The following KCNQ5 variants were observed in gnomAD, a reference collection of about 807,000 sequenced individuals.
KCNQ5 encodes potassium voltage-gated channel subfamily KQT member 5.
A neutral mutation model predicts 98.2 loss-of-function variants in KCNQ5; 30 were observed. The observed-to-expected ratio is 0.31, with a 90% CI of 0.23 to 0.41. KCNQ5 has a LOEUF of 0.41. Among genes scored for constraint, KCNQ5 ranks in the 10% least tolerant of loss-of-function variants. KCNQ5 has a pLI of 1.00. For missense variants in KCNQ5, 835 were observed against 1,182.5 expected (o/e 0.71, Z 4.31); for synonymous variants, 458 against 449.4 (o/e 1.02, Z -0.24).
intron 1 of KCNQ5, among the ~76,000 whole-genome samples, chr6:72,999,763 A>T (rs1263497253): frequency 6.6e-6 from 1 of 152,224 alleles, no homozygotes; most frequent in Non-Finnish European, 1.5e-5. Flanking sequence ...TTCTTTATTA[A>T]AAACAACCCC....
In KCNQ5 at chr6:72,959,799, C is replaced by T. The variant is rs561149663; in HGVS notation, c.399-44109C>T. ...ATGAAATTTTATAAACTTGAGAATC[C>T]GGGAGATTCACGACACAATTCAAAC... On this transcript the variant is annotated intron_variant, in intron 1 of 13. Transcript: ENST00000370398. Among the ~76,000 whole-genome samples, 8 of 152,118 alleles carry T rather than the reference C, an allele frequency of 5.3e-5. No individual in the cohort carries two copies. The South Asian group carries it at 1.5e-3, about 28-fold the overall frequency.
At chr6:72,973,154 G>A (rs1341350161) in intron 1 of KCNQ5, among the ~76,000 whole-genome samples, 1 of 152,120 alleles carries the variant, frequency 6.6e-6, no homozygotes, top group Non-Finnish European at 1.5e-5. Context: ...GCAATAAATG[G>A]CCCTCAATTA....
chr6:72,983,332 T>G (rs1768568674), intron 1 of KCNQ5, among the ~76,000 whole-genome samples: 1 of 152,244 alleles, frequency 6.6e-6, no homozygotes, highest in African/African-American at 2.4e-5. Context: ...TTTTGTCTTT[T>G]CACATAGTCT....
intron 1 of KCNQ5, among the ~76,000 whole-genome samples, chr6:72,967,424 G>C (rs1342108829): frequency 6.6e-6 from 1 of 152,088 alleles, no homozygotes; most frequent in East Asian, 1.9e-4. Flanking sequence ...AAATCAGTGA[G>C]GAAAATGTAT....
chr6:73,000,957 T>C (rs1024960774), intron 1 of KCNQ5, among the ~76,000 whole-genome samples: 1 of 152,228 alleles, frequency 6.6e-6, no homozygotes, highest in African/African-American at 2.4e-5. Context: ...GCCACCTGTT[T>C]CATCCTGTTC....
chr6:73,043,766 C>T (rs1203250503), intron 3 of KCNQ5, among the ~76,000 whole-genome samples: 1 of 152,158 alleles, frequency 6.6e-6, no homozygotes, highest in African/African-American at 2.4e-5. Flanking sequence ...AGAAGCAATG[C>T]CAATGTATCT....
chr6:72,694,775 A>G (rs1768398999), intron 1 of KCNQ5, among the ~76,000 whole-genome samples: 1 of 152,176 alleles, frequency 6.6e-6, no homozygotes, highest in African/African-American at 2.4e-5. Context: ...TTACATGAGT[A>G]TATTGCATGA....
Position 72,987,214 on chromosome 6 carries a change from A to C in KCNQ5, c.399-16694A>C, listed in dbSNP as rs544859414. ...ATTGAGGAGCCGGCTCTGAAAAGGA[A>C]GAAAAAGAACAAGAGGAAAGAGAGT... On this transcript the variant is annotated intron_variant, in intron 1 of 13. Coordinates refer to ENST00000370398, the MANE Select transcript of KCNQ5 (RefSeq NM_019842.4). The C allele has an allele frequency of 4.2e-5, 29 of 690,644 alleles. No homozygotes were observed. In the African/African-American group the frequency reaches 5.1e-4, roughly 12 times the overall value. The allele number at this position is 690,644 out of a possible 1,614,324, so 42.8% of individuals were successfully genotyped here.
intron 1 of KCNQ5, among the ~76,000 whole-genome samples, chr6:72,736,539 G>T (rs1178566832): frequency 7.9e-6 from 1 of 126,856 alleles, no homozygotes; most frequent in Non-Finnish European, 1.5e-5. Context: ...TCGCTCTGTC[G>T]CCCAGGCTGG....
At chr6:72,812,624 G>A (rs1469409355) in intron 1 of KCNQ5, among the ~76,000 whole-genome samples, 1 of 152,150 alleles carries the variant, frequency 6.6e-6, no homozygotes, top group Non-Finnish European at 1.5e-5. Context: ...GTATGAGGAA[G>A]GTCACTCCTG....
chr6:72,709,032 A>C (rs1056952361), intron 1 of KCNQ5, among the ~76,000 whole-genome samples: 1 of 152,168 alleles, frequency 6.6e-6, no homozygotes, highest in African/African-American at 2.4e-5. Context: ...AAATTCCAAA[A>C]TAATCTAAAT....
At chr6:72,859,471 A>G (rs1486768397) in intron 1 of KCNQ5, among the ~76,000 whole-genome samples, 1 of 152,048 alleles carries the variant, frequency 6.6e-6, no homozygotes. Context: ...TTTTTCCAAT[A>G]TATGATTTTA....
At chr6:72,823,303 T>A (rs182178008) in intron 1 of KCNQ5, among the ~76,000 whole-genome samples, 1 of 152,314 alleles carries the variant, frequency 6.6e-6, no homozygotes, top group East Asian at 1.9e-4. Flanking sequence ...CACATAGTCT[T>A]AATACATCTT....
chr6:72,627,876 C>G (rs2098918785), intron 1 of KCNQ5, among the ~76,000 whole-genome samples: 1 of 152,170 alleles, frequency 6.6e-6, no homozygotes, highest in African/African-American at 2.4e-5. Context: ...AAGTACAGTT[C>G]AAAGATCACT....
At chr6:73,088,896 C>T (rs1774109720) in intron 5 of KCNQ5, among the ~76,000 whole-genome samples, 1 of 152,138 alleles carries the variant, frequency 6.6e-6, no homozygotes, top group Non-Finnish European at 1.5e-5. Context: ...TCTTTACTCT[C>T]CACTCTCATA....
At chr6:72,981,119 C>T (rs1768422217) in intron 1 of KCNQ5, among the ~76,000 whole-genome samples, 1 of 151,986 alleles carries the variant, frequency 6.6e-6, no homozygotes, top group Non-Finnish European at 1.5e-5. Context: ...CTAAAATTCT[C>T]TTTTTTTGTT....
chr6:73,026,197 G>A (rs748765260), intron 2 of KCNQ5, among the ~76,000 whole-genome samples: 3 of 152,136 alleles, frequency 2.0e-5, no homozygotes, highest in East Asian at 1.9e-4. Flanking sequence ...TCTGCCCAAG[G>A]CCTTTGTCCT....
chr6:72,912,873 A>G (rs554912985), intron 1 of KCNQ5, among the ~76,000 whole-genome samples: 19 of 152,300 alleles, frequency 1.2e-4, no homozygotes, highest in African/African-American at 3.4e-4. Context: ...GACTTTATTA[A>G]CTTCCTTTAA....
intron 3 of KCNQ5, among the ~76,000 whole-genome samples, chr6:73,058,339 G>A (rs866963548): frequency 2.0e-5 from 3 of 152,144 alleles, no homozygotes; most frequent in Non-Finnish European, 4.4e-5. Flanking sequence ...GTGAACCCCG[G>A]GGGGCGGAGG....
Sources: gnomAD v4.1 joint callset for allele counts (sites outside exome capture counted in the v4.1 genomes callset) on GRCh38, gnomAD v4.1.1 for gene constraint, MANE v1.5 for transcripts, NCBI Gene and HGNC (gene_info 2026-07-23, HGNC 2026-07-21) for gene names.